The following FDFT1 variants were observed in gnomAD, a reference collection of about 807,000 sequenced individuals.
FDFT1 encodes farnesyl-diphosphate farnesyltransferase 1.
A neutral mutation model predicts 46.8 loss-of-function variants in FDFT1; 68 were observed. The ratio of observed to expected loss-of-function variants is 1.45; its 90% CI spans 1.19 to 1.78. FDFT1 has a LOEUF of 1.78. Ranked by LOEUF, FDFT1 falls within the 40% of genes most tolerant of loss-of-function variation. The probability of loss-of-function intolerance (pLI) is 0.00; values close to 1 mark genes in which losing one functional copy is unlikely to be tolerated. For missense variants in FDFT1, 928 were observed against 524.4 expected, an observed-to-expected ratio of 1.77 and a Z score of -7.52; for synonymous variants, 351 against 185.1, an observed-to-expected ratio of 1.90 and a Z score of -7.28.
chr8:11,804,276 CTA>C (rs781122993), intron 1 of FDFT1, among the ~76,000 whole-genome samples: 1 of 152,212 alleles, frequency 6.6e-6, no homozygotes, highest in Non-Finnish European at 1.5e-5. Context: ...CTTCATTCCT[CTA>C]TGTCTCTTTC....
intron 5 of FDFT1, among the ~76,000 whole-genome samples, chr8:11,826,460 C>G: frequency 6.6e-6 from 1 of 152,176 alleles, no homozygotes; most frequent in Non-Finnish European, 1.5e-5. Flanking sequence ...GACGGTCTTT[C>G]TCCAAGTGGT....
intron 3 of FDFT1, among the ~76,000 whole-genome samples, chr8:11,819,130 A>T (rs1808867490): frequency 6.6e-6 from 1 of 152,198 alleles, no homozygotes. Flanking sequence ...TTGGCTGGTT[A>T]TGAGATTCTG....
upstream of FDFT1, among the ~76,000 whole-genome samples, chr8:11,799,560 T>G (rs1235222891): frequency 6.6e-6 from 1 of 152,230 alleles, no homozygotes; most frequent in Non-Finnish European, 1.5e-5. Context: ...GCCAGCCAGT[T>G]GTGTATGAAC....
At position 11,830,295 on chromosome 8, in the gene FDFT1, A is replaced by G. The variant is rs1810593587; in HGVS notation, c.754A>G (p.Ile252Val). ...AGGGGATTTTGCTAAGCCGGAGAAT[A>G]TTGACTTGGCCGTGCAGTGCCTGAA... ...KLGDFAKPEN[I>V]DLAVQCLNEL... is the part of the protein sequence containing the mutation. The change falls in exon 6 of 8, where the codon ATT (isoleucine) becomes GTT (valine). Residue 252 changes from isoleucine (I) to valine (V), a missense_variant. By Grantham distance (29) the Ile-to-Val change is conservative (BLOSUM62 3). Coordinates refer to ENST00000220584, the MANE Select transcript of FDFT1 (RefSeq NM_004462.5). 2 of 1,613,998 alleles carry G rather than the reference A, an allele frequency of 1.2e-6. No individual in the cohort carries two copies. Among genetic ancestry groups the G allele is most frequent in the African/African-American group, 1.3e-5 (1 of 75,038 alleles).
chr8:11,817,357 T>G (rs1046281727), intron 3 of FDFT1, among the ~76,000 whole-genome samples: 2 of 152,214 alleles, frequency 1.3e-5, no homozygotes, highest in Non-Finnish European at 2.9e-5. Flanking sequence ...CTGCCAGGCT[T>G]TGGTATCAGG....
chr8:11,828,721 T>C (rs1191957990), intron 5 of FDFT1, among the ~76,000 whole-genome samples: 1 of 152,252 alleles, frequency 6.6e-6, no homozygotes, highest in Non-Finnish European at 1.5e-5. Flanking sequence ...CATAGAGTGC[T>C]TAGTAAAGGT....
intron 7 of FDFT1, 132 bp from the exon 8 acceptor site, chr8:11,838,256 C>T: frequency 1.4e-6 from 1 of 712,124 alleles, no homozygotes; most frequent in Non-Finnish European, 2.5e-6. Context: ...AAGTTATGTT[C>T]ATGTTCTCTG....
At chr8:11,837,108 C>T (rs1811645682) in intron 7 of FDFT1, among the ~76,000 whole-genome samples, 1 of 152,216 alleles carries the variant, frequency 6.6e-6, no homozygotes, top group East Asian at 1.9e-4. Flanking sequence ...ACTTGGGGGC[C>T]TAGGTAGGAG....
chr8:11,819,901 T>A (rs1268015048), intron 3 of FDFT1, among the ~76,000 whole-genome samples: 1 of 152,184 alleles, frequency 6.6e-6, no homozygotes, highest in African/African-American at 2.4e-5. Flanking sequence ...GGTGAGGAGT[T>A]ACGTTCCTTT....
Position 11,838,428 on chromosome 8 carries a change from A to T in FDFT1, c.1073A>T (p.Lys358Ile). 1 of 1,612,636 alleles carries T rather than the reference A, an allele frequency of 6.2e-7. No individual in the cohort carries two copies. The highest frequency in any genetic ancestry group is 8.5e-7 in the Non-Finnish European group (1 of 1,179,514). The part of the protein sequence containing the change: ...RIPDSDPSSS[K>I]TRQIISTIRT... ...CCCGACTCAGACCCATCTTCTAGCA[A>T]AACAAGGCAGATCATCTCCACCATC... is the stretch of plus-strand genomic sequence containing the variant. The change falls in exon 8 of 8, where the codon AAA becomes ATA. Residue 358 changes from lysine to isoleucine, a missense_variant. Physicochemically the swap from Lys to Ile is moderately radical, Grantham distance 102. Coordinates refer to ENST00000220584, the MANE Select transcript of FDFT1 (RefSeq NM_004462.5).
chr8:11,799,656 A>G (rs548395294), upstream of FDFT1, among the ~76,000 whole-genome samples: 2 of 152,362 alleles, frequency 1.3e-5, no homozygotes, highest in South Asian at 2.1e-4. Flanking sequence ...GGAAAGAAAT[A>G]GCACTTGTAG....
rs192466393 is a variant in FDFT1, at chr8:11,809,540, A to T, written c.198-127A>T. On this transcript the variant is annotated intron_variant, in intron 2 of 7. Coordinates refer to ENST00000220584, the MANE Select transcript of FDFT1 (RefSeq NM_004462.5). ...TTTCGTTAAGTATGAAAAGCGTTGG[A>T]TATCCTTATAGTTCTTTAGAGTTAA... 942 of 1,291,060 alleles carry T rather than the reference A, an allele frequency of 7.3e-4. 4 individuals are homozygous for T. The African/African-American group carries it at 0.012, about 17-fold the overall frequency. 80.0% of individuals were successfully genotyped at this position (1,291,060 alleles called of 1,614,324 possible).
chr8:11,820,765 C>T (rs148573790), intron 3 of FDFT1, among the ~76,000 whole-genome samples: 2 of 152,312 alleles, frequency 1.3e-5, no homozygotes, highest in Non-Finnish European at 2.9e-5. Flanking sequence ...CCTCCAGGTA[C>T]AGTCACTCAC....
chr8:11,816,515 C>G (rs546355440), intron 3 of FDFT1, among the ~76,000 whole-genome samples: 2 of 152,294 alleles, frequency 1.3e-5, no homozygotes, highest in South Asian at 2.1e-4. Context: ...GAATGTTCTT[C>G]CATTTGTTTA....
intron 5 of FDFT1, among the ~76,000 whole-genome samples, chr8:11,826,948 T>C (rs1810077067): frequency 6.6e-6 from 1 of 152,154 alleles, no homozygotes; most frequent in Non-Finnish European, 1.5e-5. Context: ...AAAGAAAGAA[T>C]TCTGCAGCAG....
rs528594902 is a variant in FDFT1 at position 11,812,338 on chromosome 8, C to T, written c.381+2488C>T. Among the ~76,000 whole-genome samples the T allele has an allele frequency of 3.3e-5, 5 of 152,284 alleles. No homozygotes were observed. The South Asian group carries it at 1.0e-3, about 32-fold the overall frequency. ...GGGAACGTGCCACCATTGACTGTGC[C>T]CTTGGGCCTGAGTGATGGCCAAGGG... is the stretch of plus-strand genomic sequence containing the variant. On this transcript the variant is annotated intron_variant, in intron 3 of 7. Transcript: ENST00000220584.
Position 11,838,545 on chromosome 8 carries a change from G to A in FDFT1, c.1190G>A (p.Ser397Asn). Residue 397 changes from serine (S) to asparagine (N), a missense_variant, in exon 8 of 8, where the codon AGC (serine) becomes AAC (asparagine). Physicochemically the swap from Ser to Asn is conservative, Grantham distance 46 (BLOSUM62 1). Coordinates refer to ENST00000220584, the MANE Select transcript of FDFT1 (RefSeq NM_004462.5). Reference sequence around the variant, plus strand: ...TTTGTCATGCTTTTGGCTGCCCTGAGCTGGCAGTACCTGACCACTCTCTCC... The same window carrying A: ...TTTGTCATGCTTTTGGCTGCCCTGAACTGGCAGTACCTGACCACTCTCTCC... ...LSFVMLLAAL[S>N]WQYLTTLSQV... The A allele has an allele frequency of 5.0e-6, 8 of 1,612,424 alleles. No individual in the cohort carries two copies. The highest frequency in any genetic ancestry group is 6.8e-6 in the Non-Finnish European group (8 of 1,179,338).
chr8:11,820,498 G>A (rs1490591747), intron 3 of FDFT1, among the ~76,000 whole-genome samples: 1 of 152,172 alleles, frequency 6.6e-6, no homozygotes, highest in South Asian at 2.1e-4. Flanking sequence ...GCTGCGGTGG[G>A]CTCCACCCAG....
At chr8:11,802,408 CCCA>C (rs1410927810), upstream of FDFT1, 1 of 457,434 alleles carries the variant, frequency 2.2e-6, no homozygotes, top group Non-Finnish European at 4.4e-6. Flanking sequence ...CATCCTAAGC[CCCA>C]CCGCCTCACC....
Sources: gnomAD v4.1 joint callset for allele counts (sites outside exome capture counted in the v4.1 genomes callset) on GRCh38, gnomAD v4.1.1 for gene constraint, MANE v1.5 for transcripts, NCBI Gene and HGNC (gene_info 2026-07-23, HGNC 2026-07-21) for gene names.